The following USP43 variants were observed in gnomAD, a reference collection of about 807,000 sequenced individuals.
USP43 encodes the protein ubiquitin specific peptidase 43.
A neutral mutation model predicts 90.7 loss-of-function variants in USP43; 33 were observed. The observed-to-expected ratio is 0.36, with a 90% CI of 0.28 to 0.49. The LOEUF (loss-of-function observed/expected upper bound fraction) is 0.49. Ranked by LOEUF, USP43 falls within the 20% of genes least tolerant of loss-of-function variation. The pLI is 0.98. For missense variants in USP43, 1,274 were observed against 1,476.4 expected (o/e 0.86, Z 2.25); for synonymous variants, 598 against 615.8 (o/e 0.97, Z 0.43).
chr17:9,721,836 G>A (rs915467991), intron 14 of USP43, among the ~76,000 whole-genome samples: 1 of 148,490 alleles, frequency 6.7e-6, no homozygotes, highest in Non-Finnish European at 1.5e-5. Flanking sequence ...TGATTGTCCT[G>A]CCTCAGCCTC....
intron 5 of USP43, 139 bp downstream of exon 5, chr17:9,677,020 C>T: frequency 9.0e-7 from 1 of 1,114,980 alleles, no homozygotes; most frequent in Non-Finnish European, 1.2e-6. Context: ...TTAGTAATGC[C>T]TGCTGTCTGG....
intron 7 of USP43, 106 bp downstream of exon 7, chr17:9,683,064 A>T: frequency 7.0e-7 from 1 of 1,425,836 alleles, no homozygotes; most frequent in South Asian, 1.5e-5. Flanking sequence ...AGGTTAATAA[A>T]CTAGGAGCCA....
intron 14 of USP43, among the ~76,000 whole-genome samples, chr17:9,726,630 C>A (rs752184081): frequency 2.0e-5 from 3 of 152,148 alleles, no homozygotes; most frequent in Non-Finnish European, 4.4e-5. Context: ...ACCCTCAAGA[C>A]CTAATTACCA....
intron 7 of USP43, among the ~76,000 whole-genome samples, chr17:9,684,636 G>A (rs1234465610): frequency 2.0e-5 from 3 of 151,902 alleles, no homozygotes; most frequent in Non-Finnish European, 4.4e-5. Flanking sequence ...GGTGGCTCAC[G>A]CCTGTAATCC....
In USP43 at chr17:9,645,596, C is replaced by T. The variant is rs1911314478; in HGVS notation, c.-37C>T. 8.5e-7 allele frequency: 1 copy of T among 1,181,870 alleles called. No homozygotes were observed. The highest frequency in any genetic ancestry group is 1.0e-6 in the Non-Finnish European group (1 of 956,432). 73.2% of individuals were successfully genotyped at this position (1,181,870 alleles called of 1,614,324 possible). On this transcript the variant is annotated 5_prime_UTR_variant, in exon 1 of 15. Coordinates refer to ENST00000285199, the MANE Select transcript of USP43 (RefSeq NM_153210.5). This position sits in a 1 kb window ranked among gnomAD's most constrained non-coding sequence, Gnocchi z 6.8. ...GCTGGCCGCTCGTCCGCCTCGCGCC[C>T]GGGGGCTCCGCGCCTGGAGCTGCGC... is the stretch of plus-strand genomic sequence containing the variant.
At chr17:9,702,937 G>T (rs762527667) in intron 12 of USP43, among the ~76,000 whole-genome samples, 3 of 152,190 alleles carry the variant, frequency 2.0e-5, no homozygotes, top group Non-Finnish European at 4.4e-5. Flanking sequence ...GCTGGTCATG[G>T]TGAAGGTTAT....
At position 9,728,664 on chromosome 17, in the gene USP43, G is replaced by A. The variant is rs758630167; in HGVS notation, c.3046G>A (p.Val1016Ile). 1.2e-6 allele frequency: 2 copies of A among 1,613,452 alleles called. No individual in the cohort carries two copies. Among genetic ancestry groups the A allele is most frequent in the South Asian group, 1.1e-5 (1 of 91,006 alleles). The change falls in exon 15 of 15, where the codon GTC becomes ATC. Residue 1016 changes from valine to isoleucine, a missense_variant. Physicochemically the swap from Val to Ile is conservative, Grantham distance 29. This residue lies in a region of USP43 where 353 missense variants were observed against 329.7 expected (regional missense o/e 1.07). Coordinates refer to ENST00000285199, the MANE Select transcript of USP43 (RefSeq NM_153210.5). The surrounding 1 kb of genome is among the most constrained non-coding windows in gnomAD (Gnocchi z 6.2). ...GAACAGGAGGAATGAGAGGGCAGAGGTCTCTCCACAGGTGCCCCCCGTCTC... is the reference window on the plus strand; with the variant it reads ...GAACAGGAGGAATGAGAGGGCAGAGATCTCTCCACAGGTGCCCCCCGTCTC... ...KENRRNERAE[V>I]SPQVPPVSLV...
chr17:9,720,155 G>A (rs1002319320), intron 14 of USP43, among the ~76,000 whole-genome samples: 5 of 151,580 alleles, frequency 3.3e-5, no homozygotes, highest in African/African-American at 1.2e-4. Context: ...GTGAAACCCC[G>A]TCTCTACTAA....
In USP43 at chr17:9,711,908, C is replaced by T. The variant is rs377392181; in HGVS notation, c.2171-60C>T. On this transcript the variant is annotated intron_variant, in intron 13 of 14. Transcript: ENST00000285199. Reference sequence around the variant, plus strand: ...ATGGGGATCTGGTTGTGAGATGCTCCGCTAGGACTCTGAAGTGCTGGGGTT... The same window carrying T: ...ATGGGGATCTGGTTGTGAGATGCTCTGCTAGGACTCTGAAGTGCTGGGGTT... 629 of 1,492,426 alleles carry T rather than the reference C, an allele frequency of 4.2e-4. 1 individual carries two copies. In the African/African-American group the frequency reaches 7.5e-3, roughly 18 times the overall value. 92.4% of individuals were successfully genotyped at this position (1,492,426 alleles called of 1,614,324 possible).
intron 6 of USP43, among the ~76,000 whole-genome samples, chr17:9,680,778 A>G (rs188105605): frequency 7.6e-4 from 115 of 152,090 alleles, no homozygotes; most frequent in Non-Finnish European, 7.6e-4. Context: ...CAGGATTCCT[A>G]TGGGTCAAGA....
At chr17:9,703,455 GA>G (rs1380370257) in intron 12 of USP43, among the ~76,000 whole-genome samples, 2 of 152,242 alleles carry the variant, frequency 1.3e-5, no homozygotes, top group East Asian at 3.9e-4. Context: ...TTAAAGAGCA[GA>G]ATGCCCGATT....
At chr17:9,697,619 A>T (rs1915351494) in intron 9 of USP43, among the ~76,000 whole-genome samples, 1 of 151,224 alleles carries the variant, frequency 6.6e-6, no homozygotes, top group African/African-American at 2.4e-5. Flanking sequence ...TTCACTTAGG[A>T]TAATGGCCTC....
Position 9,674,863 on chromosome 17 carries a change from C to T in USP43, c.741-28C>T, listed in dbSNP as rs755703941. 1.1e-5 allele frequency: 18 copies of T among 1,590,014 alleles called. No individual in the cohort carries two copies. Among genetic ancestry groups the T allele is most frequent in the South Asian group, 3.3e-5 (3 of 90,446 alleles). On this transcript the variant is annotated intron_variant, in intron 3 of 14. Coordinates refer to ENST00000285199, the MANE Select transcript of USP43 (RefSeq NM_153210.5). The surrounding 1 kb of genome is among the most constrained non-coding windows in gnomAD (Gnocchi z 4.4). ...CCCAAATTGTTTACGTGTGATTAAA[C>T]GTTCGCCTCTGTTCTTCACCCTCAC...
chr17:9,665,729 C>CT (rs2151967828), intron 2 of USP43, among the ~76,000 whole-genome samples: 1 of 152,254 alleles, frequency 6.6e-6, no homozygotes, highest in African/African-American at 2.4e-5. Flanking sequence ...CCAGTGGGCC[C>CT]TAAATGCACT....
intron 14 of USP43, among the ~76,000 whole-genome samples, chr17:9,726,345 CAGG>C (rs1917270604): frequency 6.6e-6 from 1 of 152,178 alleles, no homozygotes; most frequent in Admixed American, 6.5e-5. Context: ...CTTTTTATGG[CAGG>C]AGTTCTGCTC....
chr17:9,651,748 A>G (rs1222815622), intron 1 of USP43, among the ~76,000 whole-genome samples: 3 of 152,206 alleles, frequency 2.0e-5, no homozygotes, highest in Non-Finnish European at 4.4e-5. Context: ...TTGGCTTTTT[A>G]AAAACAAGGA....
In USP43 at chr17:9,674,520, A is replaced by G. The variant is rs1913640902; in HGVS notation, c.741-371A>G. On this transcript the variant is annotated intron_variant, in intron 3 of 14. Transcript: ENST00000285199. This position sits in a 1 kb window ranked among gnomAD's most constrained non-coding sequence, Gnocchi z 4.4. ...TACTTCATATAAACGGGATCGTACA[A>G]TATGTGGGCTTTCATGTCTGGCTTC... Among the ~76,000 whole-genome samples, 1 of 152,134 alleles carries G rather than the reference A, an allele frequency of 6.6e-6. No individual in the cohort carries two copies. Among genetic ancestry groups the G allele is most frequent in the African/African-American group, 2.4e-5 (1 of 41,436 alleles).
chr17:9,675,939 G>A (rs767256713), intron 4 of USP43, among the ~76,000 whole-genome samples: 3 of 152,094 alleles, frequency 2.0e-5, no homozygotes, highest in South Asian at 2.1e-4. Flanking sequence ...GCCCAGGTTC[G>A]AATCCCAGCT....
intron 14 of USP43, among the ~76,000 whole-genome samples, chr17:9,726,322 C>T (rs888807303): frequency 2.0e-5 from 3 of 152,168 alleles, no homozygotes; most frequent in Non-Finnish European, 2.9e-5. Flanking sequence ...TTGGCTGTGC[C>T]GCTGACAGGG....
Sources: gnomAD v4.1 joint callset for allele counts (sites outside exome capture counted in the v4.1 genomes callset) on GRCh38, gnomAD v4.1.1 for gene constraint, gnomAD v4.1.1 regional missense constraint, Gnocchi (gnomAD v3.1) non-coding constraint, MANE v1.5 for transcripts, NCBI Gene and HGNC (gene_info 2026-07-23, HGNC 2026-07-21) for gene names.